Variants in PCDHAC2 observed in about 807,000 individuals in gnomAD.
The protein encoded by PCDHAC2 is protocadherin alpha-C2.
Under a neutral mutation model 63.3 loss-of-function variants are expected in PCDHAC2, and 24 were observed. The ratio of observed to expected loss-of-function variants is 0.38; its 90% CI spans 0.27 to 0.53. The LOEUF is 0.53. Ranked by LOEUF, PCDHAC2 falls within the 20% of genes least tolerant of loss-of-function variation. The probability of loss-of-function intolerance (pLI) is 0.81; values close to 1 mark genes in which losing one functional copy is unlikely to be tolerated. For synonymous variants in PCDHAC2, 569 were observed against 529.4 expected (o/e 1.07, Z -1.03); for missense variants, 1,181 against 1,275.2 (o/e 0.93, Z 1.12).
At chr5:140,979,908 TAA>T (rs782196172) in intron 2 of PCDHAC2, among the ~76,000 whole-genome samples, 3 of 152,250 alleles carry the variant, frequency 2.0e-5, no homozygotes, top group Non-Finnish European at 4.4e-5. Context: ...GATCAGTTCG[TAA>T]AGAGAAAGCC....
chr5:140,968,189 TC>T lies in PCDHAC2; in HGVS notation c.1425del (p.Ile476SerfsTer29). 6.2e-7 allele frequency: 1 copy of T among 1,614,034 alleles called. No homozygotes were observed. Among genetic ancestry groups the T allele is most frequent in the Non-Finnish European group, 8.5e-7 (1 of 1,180,018 alleles). On this transcript the variant is annotated frameshift_variant, in exon 1 of 4. Coordinates refer to ENST00000289269, the MANE Select transcript of PCDHAC2 (RefSeq NM_018899.6). LOFTEE classifies it high-confidence loss of function. ...NPPSFLEDSY[S>X]IYIQENNLPG... Reference sequence around the variant, plus strand: ...ACCAAGCTTCCTGGAGGACTCCTATTCCATCTACATACAGGAGAACAATTTG... The same window carrying T: ...ACCAAGCTTCCTGGAGGACTCCTATTCATCTACATACAGGAGAACAATTTG...
At chr5:140,982,711 A>T (rs370595783) in intron 3 of PCDHAC2, 148 bp downstream of exon 3, 2 of 1,370,268 alleles carry the variant, frequency 1.5e-6, no homozygotes, top group African/African-American at 2.9e-5. Context: ...TTCCTTACAT[A>T]TATGATTATT....
chr5:140,993,528 A>T lies in PCDHAC2; in HGVS notation c.2713+10965A>T, dbSNP rs78672098. On this transcript the variant is annotated intron_variant, in intron 3 of 3. Transcript: ENST00000289269. ...CACACACGGGGAGAGAGAGACAGAG[A>T]GAGAGAGAGATAGAGAAGTGAAGTA... Among the ~76,000 whole-genome samples the T allele has an allele frequency of 6.6e-5, 10 of 152,092 alleles. No individual in the cohort carries two copies. In the East Asian group the frequency reaches 1.2e-3, roughly 18 times the overall value.
At chr5:140,992,319 T>C (rs1474763849) in intron 3 of PCDHAC2, among the ~76,000 whole-genome samples, 1 of 152,174 alleles carries the variant, frequency 6.6e-6, no homozygotes, top group Admixed American at 6.6e-5. Context: ...GGGCATTCCC[T>C]TTTCTAAGAG....
rs782634586 is a variant in PCDHAC2 at position 140,968,008 on chromosome 5, CT to C, written c.1245del (p.Phe415LeufsTer9). 6.2e-7 allele frequency: 1 copy of C among 1,614,202 alleles called. No homozygotes were observed. The highest frequency in any genetic ancestry group is 8.5e-7 in the Non-Finnish European group (1 of 1,180,034). On this transcript the variant is annotated frameshift_variant, in exon 1 of 4. Coordinates refer to ENST00000289269, the MANE Select transcript of PCDHAC2 (RefSeq NM_018899.6). LOFTEE classifies it high-confidence loss of function. ...EATLPFRLNG[F>X]GNSYTLVVSG... ...CCACACTGCCTTTCCGACTGAATGG[CT>C]TTGGAAACTCCTATACACTGGTGGT...
At position 141,003,456 on chromosome 5, in the gene PCDHAC2, C is replaced by T. The variant is rs187279966; in HGVS notation, c.2714-6171C>T. Among the ~76,000 whole-genome samples the T allele has an allele frequency of 1.2e-3, 188 of 152,136 alleles. 1 individual carries two copies. The highest frequency in any genetic ancestry group is 4.1e-3 in the African/African-American group (172 of 41,508). On this transcript the variant is annotated intron_variant, in intron 3 of 3. Transcript: ENST00000289269. ...CCTCCCAAGTAGATGAAATTACAGGCGTGCACCACCACAGTCTCGCTAATT... is the reference window on the plus strand; with the variant it reads ...CCTCCCAAGTAGATGAAATTACAGGTGTGCACCACCACAGTCTCGCTAATT...
chr5:141,001,849 T>C (rs889682000), intron 3 of PCDHAC2, among the ~76,000 whole-genome samples: 5 of 151,704 alleles, frequency 3.3e-5, no homozygotes, highest in African/African-American at 7.3e-5. Context: ...GAGAGAGAGG[T>C]TGATTAAATT....
rs78042832 is a variant in PCDHAC2, at chr5:140,978,370, A to G, written c.2566-579A>G. Among the ~76,000 whole-genome samples, 198 of 152,318 alleles carry G rather than the reference A, an allele frequency of 1.3e-3. 1 individual carries two copies. The East Asian group carries it at 0.027, about 21-fold the overall frequency. On this transcript the variant is annotated intron_variant, in intron 1 of 3. Transcript: ENST00000289269. ...TAGCAAAACAAGGTCAAACTCTGCA[A>G]TAGTTTGTTTTCCTCTCCCTAGTAT...
intron 3 of PCDHAC2, among the ~76,000 whole-genome samples, chr5:141,009,142 G>T (rs1374390797): frequency 2.0e-5 from 3 of 152,204 alleles, no homozygotes; most frequent in Non-Finnish European, 4.4e-5. Context: ...GAAAAAACCT[G>T]CCCTCTTGCT....
At chr5:141,005,985 T>C (rs2098249971) in intron 3 of PCDHAC2, among the ~76,000 whole-genome samples, 1 of 151,848 alleles carries the variant, frequency 6.6e-6, no homozygotes, top group Non-Finnish European at 1.5e-5. Context: ...AAAGAGTGTT[T>C]GAGGATCTGA....
rs1554231844 is a variant in PCDHAC2, at chr5:140,969,454, A to G, written c.2565+123A>G. On this transcript the variant is annotated intron_variant, in intron 1 of 3. Coordinates refer to ENST00000289269, the MANE Select transcript of PCDHAC2 (RefSeq NM_018899.6). ...AAGAGTTATCTGGTAAACTGAGTAT[A>G]TATAGTATCCACAATTTGATCATAA... 7.9e-6 allele frequency: 12 copies of G among 1,511,706 alleles called. No individual in the cohort carries two copies. The South Asian group carries it at 9.0e-5, about 11-fold the overall frequency. The allele number at this position is 1,511,706 out of a possible 1,614,324, so 93.6% of individuals were successfully genotyped here.
In PCDHAC2 at chr5:140,966,502, G is replaced by C; in HGVS notation, c.-265G>C. ...TTTTCCCTCCCCCTGGAGCTGTAGC[G>C]GCAGCAGCAGCAGGAAGCCGAGCCG... On this transcript the variant is annotated 5_prime_UTR_variant, in exon 1 of 4. Transcript: ENST00000289269. The C allele has an allele frequency of 2.3e-6, 1 of 433,894 alleles. No homozygotes were observed. Among genetic ancestry groups the C allele is most frequent in the Non-Finnish European group, 4.0e-6 (1 of 250,186 alleles). The allele number at this position is 433,894 out of a possible 1,614,324, so 26.9% of individuals were successfully genotyped here.
chr5:140,983,221 A>G (rs1178098444), intron 3 of PCDHAC2, among the ~76,000 whole-genome samples: 1 of 152,196 alleles, frequency 6.6e-6, no homozygotes, highest in Non-Finnish European at 1.5e-5. Context: ...TCCTAATCCA[A>G]ACTTTCAGGA....
At chr5:140,971,369 T>C (rs1384716266) in intron 1 of PCDHAC2, among the ~76,000 whole-genome samples, 1 of 152,094 alleles carries the variant, frequency 6.6e-6, no homozygotes, top group Non-Finnish European at 1.5e-5. Context: ...GCCAGGAGAG[T>C]GCATGACTTT....
At position 140,966,831 on chromosome 5, in the gene PCDHAC2, G is replaced by A; in HGVS notation, c.65G>A (p.Trp22Ter). Residue 22 changes from tryptophan (W) to a stop codon, truncating the protein, a stop_gained, in exon 1 of 4, where the codon TGG (tryptophan) becomes TAG (stop). Transcript: ENST00000289269. LOFTEE classifies it high-confidence loss of function. Reference protein sequence around the residue: ...EHPRLRRPMPWLLLLPLLLLL... With the variant: ...EHPRLRRPMP ...CCACGGCTCCGGCGGCCCATGCCCT[G>A]GCTGCTGCTACTGCCTCTCCTGCTG... 1 of 1,563,110 alleles carries A rather than the reference G, an allele frequency of 6.4e-7. No individual in the cohort carries two copies. Among genetic ancestry groups the A allele is most frequent in the Non-Finnish European group, 8.6e-7 (1 of 1,158,380 alleles).
chr5:140,983,806 G>T (rs981942088), intron 3 of PCDHAC2, among the ~76,000 whole-genome samples: 1 of 152,110 alleles, frequency 6.6e-6, no homozygotes, highest in Non-Finnish European at 1.5e-5. Flanking sequence ...GTGTGTAAAA[G>T]GTTTTTTCCC....
At position 140,968,479 on chromosome 5, in the gene PCDHAC2, C is replaced by T. The variant is rs2096250195; in HGVS notation, c.1713C>T (p.Asp571=). 2 of 1,614,010 alleles carry T rather than the reference C, an allele frequency of 1.2e-6. No individual in the cohort carries two copies. Among genetic ancestry groups the T allele is most frequent in the South Asian group, 2.2e-5 (2 of 91,084 alleles). The part of the protein sequence containing the change: ...STVTANVYVV[D]MNDHAPHILY... ...TGACTGCCAACGTATATGTGGTGGACATGAATGACCATGCCCCTCACATTC... is the reference window on the plus strand; with the variant it reads ...TGACTGCCAACGTATATGTGGTGGATATGAATGACCATGCCCCTCACATTC... Residue 571 remains aspartate (D), a synonymous_variant, in exon 1 of 4, where the codon GAC becomes GAT. Transcript: ENST00000289269.
chr5:140,989,949 G>A (rs551733184), intron 3 of PCDHAC2, among the ~76,000 whole-genome samples: 3 of 152,064 alleles, frequency 2.0e-5, no homozygotes, highest in South Asian at 2.1e-4. Context: ...CGTTTTTCTC[G>A]GTGAGACCAA....
intron 2 of PCDHAC2, 141 bp downstream of exon 2, chr5:140,979,148 C>G: frequency 6.9e-7 from 1 of 1,441,158 alleles, no homozygotes; most frequent in South Asian, 1.5e-5. Context: ...TTATTTTGTC[C>G]CCATGTTTAT....
Sources: allele counts gnomAD v4.1 joint callset (sites outside exome capture counted in the v4.1 genomes callset), GRCh38; gene constraint gnomAD v4.1.1; transcripts MANE v1.5; gene names NCBI Gene and HGNC (gene_info 2026-07-23, HGNC 2026-07-21).